The following CNPY3 variants were observed in gnomAD, a reference collection of about 807,000 sequenced individuals.
CNPY3 encodes the protein protein canopy homolog 3.
A neutral mutation model predicts 32.0 loss-of-function variants in CNPY3; 20 were observed. The ratio of observed to expected loss-of-function variants is 0.63; its 90% CI spans 0.44 to 0.91. The LOEUF (loss-of-function observed/expected upper bound fraction) is 0.91, where lower values mean the gene tolerates loss of function less well. CNPY3 is among the 40% of genes least tolerant of loss of function. The pLI, the probability that CNPY3 is intolerant of heterozygous loss-of-function variation, is 0.00. For synonymous variants in CNPY3, 138 were observed against 142.9 expected (o/e 0.97, Z 0.24); for missense variants, 299 against 340.8 (o/e 0.88, Z 0.97).
Position 42,929,644 on chromosome 6 carries a change from T to C in CNPY3, c.74T>C (p.Leu25Pro), listed in dbSNP as rs754100941. Reference sequence around the variant, plus strand: ...TTGCTGCTGCTGCTGCTGCTGCTGCTGCCGGCCCCGGAGCTGGGCCCGAGC... The same window carrying C: ...TTGCTGCTGCTGCTGCTGCTGCTGCCGCCGGCCCCGGAGCTGGGCCCGAGC... ...LPLLLLLLLL[L>P]PAPELGPSQA... Residue 25 changes from leucine to proline, a missense_variant, in exon 1 of 6, where the codon CTG (leucine) becomes CCG (proline). By Grantham distance (98) the Leu-to-Pro change is moderately conservative. Coordinates refer to ENST00000372836, the MANE Select transcript of CNPY3 (RefSeq NM_006586.5). 6.4e-6 allele frequency: 10 copies of C among 1,553,780 alleles called. No individual in the cohort carries two copies. Among genetic ancestry groups the C allele is most frequent in the Non-Finnish European group, 7.0e-6 (8 of 1,149,754 alleles).
intron 1 of CNPY3, among the ~76,000 whole-genome samples, chr6:42,934,238 A>C (rs1201751298): frequency 6.6e-6 from 1 of 151,960 alleles, no homozygotes; most frequent in Non-Finnish European, 1.5e-5. Flanking sequence ...ACAGTAGATA[A>C]AATAGAAATC....
At chr6:42,933,114 C>T (rs1330191601) in intron 1 of CNPY3, among the ~76,000 whole-genome samples, 2 of 152,090 alleles carry the variant, frequency 1.3e-5, no homozygotes, top group Non-Finnish European at 1.5e-5. Context: ...CTGCAGAGGC[C>T]CAGAGTGAAA....
chr6:42,934,474 G>C lies in CNPY3; in HGVS notation c.152-1G>C, dbSNP rs745815310. On this transcript the variant is annotated splice_acceptor_variant, in intron 1 of 5. Transcript: ENST00000372836. LOFTEE classifies it high-confidence loss of function. ...TGGGCTGTGCTACCTCCCTCCCCCA[G>C]TGTGTAAATATGTTGCTGTGGAGCT... is the stretch of plus-strand genomic sequence containing the variant. 1 of 1,613,868 alleles carries C rather than the reference G, an allele frequency of 6.2e-7. No individual in the cohort carries two copies. The highest frequency in any genetic ancestry group is 1.3e-5 in the African/African-American group (1 of 74,914).
rs974444918 is a variant in CNPY3 at position 42,935,338 on chromosome 6, T to G, written c.276-236T>G. On this transcript the variant is annotated intron_variant, in intron 2 of 5. Coordinates refer to ENST00000372836, the MANE Select transcript of CNPY3 (RefSeq NM_006586.5). The stretch of plus-strand genomic sequence containing the variant: ...TTGCTTTATCAAAAAATCTAAATAC[T>G]GAATCATTTAGCTTTATAAAAAATT... 2.3e-5 allele frequency: 18 copies of G among 779,978 alleles called. No homozygotes were observed. In the South Asian group the frequency reaches 8.2e-4, roughly 35 times the overall value. The allele number at this position is 779,978 out of a possible 1,614,324, so 48.3% of individuals were successfully genotyped here.
intron 2 of CNPY3, chr6:42,935,350 C>A: frequency 1.2e-6 from 1 of 862,196 alleles, no homozygotes; most frequent in Non-Finnish European, 1.4e-6. Context: ...AATCATTTAG[C>A]TTTATAAAAA....
chr6:42,938,150 G>C lies in CNPY3; in HGVS notation c.556G>C (p.Glu186Gln). Residue 186 changes from glutamate to glutamine, a missense_variant, in exon 5 of 6, where the codon GAG becomes CAG. Coordinates refer to ENST00000372836, the MANE Select transcript of CNPY3 (RefSeq NM_006586.5). ...CGAGGACTGGTACAGGAACCACCAG[G>C]AGGAAGACCTGACTGAATTCCTCTG... ...VIEDWYRNHQ[E>Q]EDLTEFLCAN... The C allele has an allele frequency of 6.2e-7, 1 of 1,614,188 alleles. No homozygotes were observed. Among genetic ancestry groups the C allele is most frequent in the Non-Finnish European group, 8.5e-7 (1 of 1,180,028 alleles).
At chr6:42,928,113 G>A (rs1290329697), upstream of CNPY3, among the ~76,000 whole-genome samples, 1 of 151,786 alleles carries the variant, frequency 6.6e-6, no homozygotes, top group Non-Finnish European at 1.5e-5. Context: ...TCCACCTCCC[G>A]AGTAGCTGGG....
chr6:42,929,422 T>A (rs1767579213), upstream of CNPY3: 3 of 845,104 alleles, frequency 3.5e-6, no homozygotes, highest in Admixed American at 6.0e-5. Flanking sequence ...GGGCTGCGGC[T>A]GCGAGAGGAG....
chr6:42,928,374 C>T (rs1203913529), upstream of CNPY3, among the ~76,000 whole-genome samples: 2 of 151,602 alleles, frequency 1.3e-5, no homozygotes, highest in African/African-American at 4.8e-5. Flanking sequence ...GAACTCCTGG[C>T]CTCAAGCAGT....
chr6:42,938,040 A>G (rs750095140), intron 4 of CNPY3, 50 bp from the exon 5 acceptor site: 4 of 1,549,410 alleles, frequency 2.6e-6, no homozygotes, highest in Non-Finnish European at 3.6e-6. Context: ...CTCCTCTAGG[A>G]GCGAGTCAGG....
At position 42,933,007 on chromosome 6, in the gene CNPY3, G is replaced by A. The variant is rs908999553; in HGVS notation, c.152-1468G>A. ...ATCAAGTCCCAGGCTAAGGAAATAC[G>A]AAAAAATCTAATACATAATGCACAT... On this transcript the variant is annotated intron_variant, in intron 1 of 5. Transcript: ENST00000372836. 3.9e-5 allele frequency among the ~76,000 whole-genome samples: 6 copies of A among 152,090 alleles called. No homozygotes were observed. The East Asian group carries it at 5.8e-4, about 15-fold the overall frequency.
intron 1 of CNPY3, among the ~76,000 whole-genome samples, chr6:42,931,714 CTTA>C (rs550967975): frequency 2.6e-5 from 4 of 151,374 alleles, no homozygotes; most frequent in African/African-American, 9.7e-5. Flanking sequence ...TCTTTTCTGT[CTTA>C]TTATTATTAT....
rs576461436 is a variant in CNPY3, at chr6:42,937,077, GAC to G, written c.373-636_373-635del. Among the ~76,000 whole-genome samples, 15 of 152,264 alleles carry G rather than the reference GAC, an allele frequency of 9.9e-5. No homozygotes were observed. In the South Asian group the frequency reaches 3.1e-3, roughly 32 times the overall value. ...CTATGCCTTTTTCCCACTGAGGAAAGACACAACCCAGGAAGAACGGAACAGCA... is the reference window on the plus strand; with the variant it reads ...CTATGCCTTTTTCCCACTGAGGAAAGACAACCCAGGAAGAACGGAACAGCA... On this transcript the variant is annotated intron_variant, in intron 3 of 5. Coordinates refer to ENST00000372836, the MANE Select transcript of CNPY3 (RefSeq NM_006586.5).
At chr6:42,931,870 C>T (rs770009173) in intron 1 of CNPY3, among the ~76,000 whole-genome samples, 2 of 151,634 alleles carry the variant, frequency 1.3e-5, no homozygotes, top group Non-Finnish European at 2.9e-5. Context: ...ATTACAGGCA[C>T]CTGCCATCAT....
At chr6:42,930,608 C>T (rs906511428) in intron 1 of CNPY3, among the ~76,000 whole-genome samples, 8 of 152,208 alleles carry the variant, frequency 5.3e-5, no homozygotes, top group African/African-American at 1.9e-4. Context: ...TCCTCAACTC[C>T]GTCCCTTAGT....
chr6:42,935,936 G>A (rs1444438452), intron 3 of CNPY3, among the ~76,000 whole-genome samples: 1 of 150,780 alleles, frequency 6.6e-6, no homozygotes, highest in Non-Finnish European at 1.5e-5. Flanking sequence ...GCCCCCGTGG[G>A]AACCTAAAGA....
chr6:42,929,196 A>T, upstream of CNPY3: 1 of 140,920 alleles, frequency 7.1e-6, no homozygotes, highest in Non-Finnish European at 1.3e-5. Context: ...ACCCAGGCCC[A>T]GACGCAGGCT....
intron 1 of CNPY3, 64 bp from the exon 2 acceptor site, chr6:42,934,411 C>T: frequency 6.3e-7 from 1 of 1,596,812 alleles, no homozygotes; most frequent in Non-Finnish European, 8.6e-7. Context: ...ATCTGTTTTG[C>T]TGGGAGCTGG....
chr6:42,938,449 G>A lies in CNPY3; in HGVS notation c.614-119G>A, dbSNP rs76853869. On this transcript the variant is annotated intron_variant, in intron 5 of 5. Transcript: ENST00000372836. ...GCCACAGCGAGAGGCAGGAGGCAGG[G>A]AGGCTGATGTCAAGCACAGTCCCAG... 5.3e-3 allele frequency: 5,329 copies of A among 1,004,208 alleles called. 187 individuals carry two copies. In the African/African-American group the frequency reaches 0.077, roughly 15 times the overall value. The allele number at this position is 1,004,208 out of a possible 1,614,324, so 62.2% of individuals were successfully genotyped here. A position where few individuals can be genotyped will look rare whatever the true frequency, so the allele number is the denominator to read the frequency against.
Sources: gnomAD v4.1 joint callset for allele counts (sites outside exome capture counted in the v4.1 genomes callset) on GRCh38, gnomAD v4.1.1 for gene constraint, MANE v1.5 for transcripts, NCBI Gene and HGNC (gene_info 2026-07-23, HGNC 2026-07-21) for gene names.